Variants in SH3GL1 observed in about 807,000 individuals in gnomAD.
SH3GL1 encodes the protein endophilin-A2.
SH3GL1 carries 21 observed loss-of-function variants against 48.8 expected under a neutral mutation model. That is an observed-to-expected ratio of 0.43 (90% CI 0.30 to 0.62). SH3GL1 has a LOEUF of 0.62. Among genes scored for constraint, SH3GL1 ranks in the 20% least tolerant of loss-of-function variants. The probability of loss-of-function intolerance (pLI) is 0.11; values close to 1 mark genes in which losing one functional copy is unlikely to be tolerated. For synonymous variants in SH3GL1, 282 were observed against 217.5 expected (o/e 1.30, Z -2.61); for missense variants, 454 against 503.0 (o/e 0.90, Z 0.93).
chr19:4,369,398 G>A (rs1280585907), intron 1 of SH3GL1, among the ~76,000 whole-genome samples: 2 of 152,254 alleles, frequency 1.3e-5, no homozygotes, highest in African/African-American at 4.8e-5. Context: ...GAAGCCAGCG[G>A]GCTGCGAAAC....
intron 1 of SH3GL1, among the ~76,000 whole-genome samples, chr19:4,397,675 C>G (rs1973449604): frequency 6.6e-6 from 1 of 152,170 alleles, no homozygotes; most frequent in South Asian, 2.1e-4. Context: ...AAGGTCTAAC[C>G]CAGGGCCAGG....
chr19:4,364,038 C>G, intron 5 of SH3GL1, 50 bp downstream of exon 5: 1 of 1,610,620 alleles, frequency 6.2e-7, no homozygotes, highest in South Asian at 1.1e-5. Flanking sequence ...TGGGGCTGCC[C>G]CATCCGGCAG....
chr19:4,400,076 G>C lies in SH3GL1; in HGVS notation c.45+248C>G, dbSNP rs1973494799. Among the ~76,000 whole-genome samples, 1 of 152,112 alleles carries C rather than the reference G, an allele frequency of 6.6e-6. No homozygotes were observed. The highest frequency in any genetic ancestry group is 2.1e-4 in the South Asian group (1 of 4,830). On this transcript the variant is annotated intron_variant, in intron 1 of 9. Transcript: ENST00000269886. The surrounding 1 kb of genome is among the most constrained non-coding windows in gnomAD (Gnocchi z 4.1). ...AAGGAGGGGAGAGGTCCGCGTCCCT[G>C]GGCAGCCCAGGGTGCCTCTCCCCTC...
At chr19:4,381,396 T>C in intron 1 of SH3GL1, among the ~76,000 whole-genome samples, 1 of 113,732 alleles carries the variant, frequency 8.8e-6, no homozygotes. Flanking sequence ...TGCCTCTCTC[T>C]GTCCCCCTAC....
Position 4,362,684 on chromosome 19 carries a change from C to G in SH3GL1, c.781G>C (p.Glu261Gln), listed in dbSNP as rs984408261. 1 of 1,613,902 alleles carries G rather than the reference C, an allele frequency of 6.2e-7. No homozygotes were observed. The highest frequency in any genetic ancestry group is 1.7e-5 in the Admixed American group (1 of 60,010). Residue 261 changes from glutamate to glutamine, a missense_variant, in exon 8 of 10, where the codon GAG (glutamate) becomes CAG (glutamine). This residue lies in a region of SH3GL1 where 278 missense variants were observed against 246.8 expected (regional missense o/e 1.13). Coordinates refer to ENST00000269886, the MANE Select transcript of SH3GL1 (RefSeq NM_003025.4). ...TCAGGCTCTCCAAGGTCAAAGGGCT[C>G]CCGGGGCTTGGGCTTATACTCCCGC... ...PKREYKPKPR[E>Q]PFDLGEPEQS...
intron 1 of SH3GL1, among the ~76,000 whole-genome samples, chr19:4,397,846 CTTTT>C (rs922562098): frequency 5.3e-5 from 8 of 152,146 alleles, no homozygotes; most frequent in African/African-American, 1.9e-4. Context: ...AGGGTTGTTA[CTTTT>C]TTTATTTATT....
At position 4,389,577 on chromosome 19, in the gene SH3GL1, G is replaced by A. The variant is rs368454936; in HGVS notation, c.45+10747C>T. The stretch of plus-strand genomic sequence containing the variant: ...GGGGCTCCAGAAGCTCCCGAAATTC[G>A]GCTGAGAGCTTGAACTGTACCCTGG... On this transcript the variant is annotated intron_variant, in intron 1 of 9. Coordinates refer to ENST00000269886, the MANE Select transcript of SH3GL1 (RefSeq NM_003025.4). The surrounding 1 kb of genome is among the most constrained non-coding windows in gnomAD (Gnocchi z 4.5). 1.1e-4 allele frequency among the ~76,000 whole-genome samples: 17 copies of A among 152,174 alleles called. No individual in the cohort carries two copies. The highest frequency in any genetic ancestry group is 1.5e-4 in the Non-Finnish European group (10 of 68,028).
intron 1 of SH3GL1, among the ~76,000 whole-genome samples, chr19:4,372,589 A>G (rs1178932551): frequency 6.6e-6 from 1 of 152,222 alleles, no homozygotes; most frequent in Non-Finnish European, 1.5e-5. Context: ...CAAAGGATGT[A>G]GGGATGTATC....
In SH3GL1 at chr19:4,364,215, G is replaced by A; in HGVS notation, c.338C>T (p.Ala113Val). The change falls in exon 5 of 10, where the codon GCA (alanine) becomes GTA (valine). Residue 113 changes from alanine (A) to valine (V), a missense_variant. Physicochemically the swap from Ala to Val is moderately conservative, Grantham distance 64. Transcript: ENST00000269886. ...CATGGACTCGCCGGCATCCAGCAATGCGTCACCTGTGGAGAAGTGGTGGGG... is the reference window on the plus strand; with the variant it reads ...CATGGACTCGCCGGCATCCAGCAATACGTCACCTGTGGAGAAGTGGTGGGG... ...ELGGESNFGD[A>V]LLDAGESMKR... The A allele has an allele frequency of 6.2e-7, 1 of 1,613,914 alleles. No homozygotes were observed. The highest frequency in any genetic ancestry group is 8.5e-7 in the Non-Finnish European group (1 of 1,180,032).
Position 4,389,204 on chromosome 19 carries a change from C to A in SH3GL1, c.45+11120G>T, listed in dbSNP as rs942731531. The stretch of plus-strand genomic sequence containing the variant: ...CAGAACATGGCCCATCACACATGCC[C>A]GAGCACAGCCCAGCCTCAGGAGCTG... On this transcript the variant is annotated intron_variant, in intron 1 of 9. Transcript: ENST00000269886. This position sits in a 1 kb window ranked among gnomAD's most constrained non-coding sequence, Gnocchi z 4.5. Among the ~76,000 whole-genome samples, 3 of 152,158 alleles carry A rather than the reference C, an allele frequency of 2.0e-5. No homozygotes were observed. The East Asian group carries it at 5.8e-4, about 29-fold the overall frequency.
Position 4,362,602 on chromosome 19 carries a change from G to GC in SH3GL1, c.853+9dup, listed in dbSNP as rs1568405887. The GC allele has an allele frequency of 6.2e-7, 1 of 1,613,300 alleles. No homozygotes were observed. The highest frequency in any genetic ancestry group is 2.2e-5 in the East Asian group (1 of 44,872). ...ATTTGCCTCCGCAAGAGGGCTCCAT[G>GC]CCCCATTACCTGCGATCTTGGGGGC... On this transcript the variant is annotated intron_variant, in intron 8 of 9. Coordinates refer to ENST00000269886, the MANE Select transcript of SH3GL1 (RefSeq NM_003025.4).
chr19:4,360,835 C>T lies in SH3GL1; in HGVS notation c.*765G>A. On this transcript the variant is annotated 3_prime_UTR_variant, in exon 10 of 10. Transcript: ENST00000269886. ...GGGTGGCTGGTGGTGGCAGCTTGTG[C>T]CAGAGTGACACAGGCCTCCCTGGGT... 1 of 233,964 alleles carries T rather than the reference C, an allele frequency of 4.3e-6. No homozygotes were observed. Among genetic ancestry groups the T allele is most frequent in the East Asian group, 6.0e-5 (1 of 16,600 alleles). The allele number at this position is 233,964 out of a possible 1,614,324, so 14.5% of individuals were successfully genotyped here. A position where few individuals can be genotyped will look rare whatever the true frequency, so the allele number is the denominator to read the frequency against.
In SH3GL1 at chr19:4,361,248, G is replaced by A. The variant is rs113506136; in HGVS notation, c.*352C>T. 5.6e-6 allele frequency: 2 copies of A among 359,898 alleles called. No individual in the cohort carries two copies. The highest frequency in any genetic ancestry group is 4.4e-5 in the Admixed American group (1 of 22,876). 22.3% of individuals were successfully genotyped at this position (359,898 alleles called of 1,614,324 possible). On this transcript the variant is annotated 3_prime_UTR_variant, in exon 10 of 10. Transcript: ENST00000269886. ...CCCCGTCGGGTCAGGACGGAGGTGGGGGCTGCCCCAGAGGAACATTAGTGT... is the reference window on the plus strand; with the variant it reads ...CCCCGTCGGGTCAGGACGGAGGTGGAGGCTGCCCCAGAGGAACATTAGTGT...
chr19:4,383,424 G>A (rs1973175965), intron 1 of SH3GL1, among the ~76,000 whole-genome samples: 1 of 151,732 alleles, frequency 6.6e-6, no homozygotes, highest in Non-Finnish European at 1.5e-5. Flanking sequence ...TGTAGAGACG[G>A]GGTTTCACTT....
At chr19:4,371,643 G>A (rs1972903507) in intron 1 of SH3GL1, among the ~76,000 whole-genome samples, 1 of 152,204 alleles carries the variant, frequency 6.6e-6, no homozygotes, top group Non-Finnish European at 1.5e-5. Flanking sequence ...CGCCACATTT[G>A]CCCGCAGAGG....
At position 4,362,658 on chromosome 19, in the gene SH3GL1, C is replaced by G; in HGVS notation, c.807G>C (p.Glu269Asp). Reference protein sequence around the residue: ...PREPFDLGEPEQSNGGFPCTT... With the variant: ...PREPFDLGEPDQSNGGFPCTT... ...TGCAGGGGAAGCCCCCGTTGGACTG[C>G]TCAGGCTCTCCAAGGTCAAAGGGCT... Residue 269 changes from glutamate (E) to aspartate (D), a missense_variant, in exon 8 of 10, where the codon GAG becomes GAC. Coordinates refer to ENST00000269886, the MANE Select transcript of SH3GL1 (RefSeq NM_003025.4). 3.7e-6 allele frequency: 6 copies of G among 1,614,032 alleles called. No individual in the cohort carries two copies. The highest frequency in any genetic ancestry group is 5.1e-6 in the Non-Finnish European group (6 of 1,180,020).
At chr19:4,377,907 G>A (rs537051087) in intron 1 of SH3GL1, among the ~76,000 whole-genome samples, 1 of 152,358 alleles carries the variant, frequency 6.6e-6, no homozygotes, top group East Asian at 1.9e-4. Context: ...ACTCGCGTTT[G>A]GGTCCCGGGC....
At chr19:4,391,949 C>T (rs1973345434) in intron 1 of SH3GL1, among the ~76,000 whole-genome samples, 1 of 152,366 alleles carries the variant, frequency 6.6e-6, no homozygotes, top group South Asian at 2.1e-4. Context: ...GTCACCAGAG[C>T]TTCCTGCAAG....
intron 3 of SH3GL1, among the ~76,000 whole-genome samples, chr19:4,366,077 A>G (rs1328796130): frequency 1.3e-5 from 2 of 152,222 alleles, no homozygotes; most frequent in Middle Eastern, 3.4e-3. Flanking sequence ...GTGGCCTCCT[A>G]TGGAGCCAGC....
Sources: gnomAD v4.1 joint callset for allele counts (sites outside exome capture counted in the v4.1 genomes callset) on GRCh38, gnomAD v4.1.1 for gene constraint, gnomAD v4.1.1 regional missense constraint, Gnocchi (gnomAD v3.1) non-coding constraint, MANE v1.5 for transcripts, NCBI Gene and HGNC (gene_info 2026-07-23, HGNC 2026-07-21) for gene names.